Variants in ANK2 observed in about 807,000 individuals in gnomAD.
ANK2 encodes ankyrin 2, also known as ankyrin-2.
A neutral mutation model predicts 360.5 loss-of-function variants in ANK2; 83 were observed. The ratio of observed to expected loss-of-function variants is 0.23; its 90% CI spans 0.19 to 0.28. The LOEUF (loss-of-function observed/expected upper bound fraction) is 0.28, where lower values mean the gene tolerates loss of function less well. Among genes scored for constraint, ANK2 ranks in the 10% least tolerant of loss-of-function variants. ANK2 has a pLI of 1.00. For missense variants in ANK2, 4,201 were observed against 4,795.7 expected (o/e 0.88, Z 3.66); for synonymous variants, 1,740 against 1,759.5 (o/e 0.99, Z 0.28).
chr4:112,998,931 A>G (rs536731368), intron 2 of ANK2, among the ~76,000 whole-genome samples: 39 of 152,312 alleles, frequency 2.6e-4, no homozygotes, highest in Non-Finnish European at 5.1e-4. Context: ...TTCATTGCAA[A>G]TCAAAATGGG....
chr4:113,195,914 C>T (rs2098739613), intron 2 of ANK2, among the ~76,000 whole-genome samples: 1 of 152,140 alleles, frequency 6.6e-6, no homozygotes, highest in African/African-American at 2.4e-5. Context: ...TAACTGTTGT[C>T]TGTAAATCCC....
intron 1 of ANK2, among the ~76,000 whole-genome samples, chr4:112,848,934 C>G (rs1171529357): frequency 6.6e-6 from 1 of 152,202 alleles, no homozygotes; most frequent in Non-Finnish European, 1.5e-5. Flanking sequence ...AAGAAGCAGT[C>G]TTCTGATTCT....
At chr4:113,240,751 A>T (rs2039334744) in intron 8 of ANK2, among the ~76,000 whole-genome samples, 168 bp downstream of exon 8, 1 of 152,234 alleles carries the variant, frequency 6.6e-6, no homozygotes, top group Non-Finnish European at 1.5e-5. Context: ...ACAAGAAGTC[A>T]TCTTGGCTTA....
chr4:112,745,079 A>G, the ANK2 span, among the ~76,000 whole-genome samples: 1 of 152,198 alleles, frequency 6.6e-6, no homozygotes, highest in Non-Finnish European at 1.5e-5. Context: ...TTCATTTATC[A>G]TATGTTTTCT....
At chr4:113,135,458 C>G (rs1404144230) in intron 1 of ANK2, among the ~76,000 whole-genome samples, 5 of 151,370 alleles carry the variant, frequency 3.3e-5, no homozygotes, top group South Asian at 2.1e-4. Flanking sequence ...ATGAAAGGAG[C>G]TTTTCACTAC....
chr4:112,947,460 T>A (rs1269661052), intron 2 of ANK2, among the ~76,000 whole-genome samples: 1 of 152,144 alleles, frequency 6.6e-6, no homozygotes, highest in Non-Finnish European at 1.5e-5. Context: ...TTTGCACAAA[T>A]GAAACTTACA....
chr4:112,831,276 G>A (rs374201303), intron 1 of ANK2, among the ~76,000 whole-genome samples: 17 of 152,216 alleles, frequency 1.1e-4, no homozygotes, highest in East Asian at 7.7e-4. Flanking sequence ...CTCCTGAGTC[G>A]GGTGGGGACA....
chr4:113,305,156 C>T (rs1316342349), intron 23 of ANK2, among the ~76,000 whole-genome samples: 2 of 150,786 alleles, frequency 1.3e-5, no homozygotes, highest in East Asian at 1.9e-4. Context: ...CCGGCTAAAA[C>T]GGTGAAACCC....
At chr4:113,056,082 T>G (rs1454080425) in intron 1 of ANK2, among the ~76,000 whole-genome samples, 1 of 152,188 alleles carries the variant, frequency 6.6e-6, no homozygotes, top group Non-Finnish European at 1.5e-5. Flanking sequence ...TTGTTGTAGA[T>G]GTATCCATCA....
chr4:113,365,028 T>A lies in ANK2; in HGVS notation c.10889-11T>A, dbSNP rs762064178. Reference sequence around the variant, plus strand: ...TCAGACATAATAAATGCTGTTTCTCTAATGTGTCAGATACCAACCTCGTTG... The same window carrying A: ...TCAGACATAATAAATGCTGTTTCTCAAATGTGTCAGATACCAACCTCGTTG... On this transcript the variant is annotated splice_polypyrimidine_tract_variant and intron_variant, in intron 40 of 45. Coordinates refer to ENST00000357077, the MANE Select transcript of ANK2 (RefSeq NM_001148.6). 1.2e-6 allele frequency: 2 copies of A among 1,613,728 alleles called. No individual in the cohort carries two copies. The highest frequency in any genetic ancestry group is 1.1e-5 in the South Asian group (1 of 91,084).
intron 4 of ANK2, among the ~76,000 whole-genome samples, chr4:113,211,788 G>T (rs2099025301): frequency 6.6e-6 from 1 of 152,108 alleles, no homozygotes; most frequent in African/African-American, 2.4e-5. Flanking sequence ...CCATATGTTT[G>T]TAACATGAAT....
At chr4:112,856,557 A>G (rs1333841940) in intron 1 of ANK2, among the ~76,000 whole-genome samples, 1 of 152,114 alleles carries the variant, frequency 6.6e-6, no homozygotes, top group Non-Finnish European at 1.5e-5. Context: ...GTGAAACCCC[A>G]TCTCTACTAA....
At chr4:112,940,385 C>T (rs2094119294) in intron 2 of ANK2, among the ~76,000 whole-genome samples, 1 of 152,094 alleles carries the variant, frequency 6.6e-6, no homozygotes, top group Non-Finnish European at 1.5e-5. Context: ...TAACTTAGAA[C>T]ATTTGTGGGA....
At chr4:113,137,568 TAAAG>T (rs1310782139) in intron 1 of ANK2, among the ~76,000 whole-genome samples, 2 of 152,198 alleles carry the variant, frequency 1.3e-5, no homozygotes, top group African/African-American at 2.4e-5. Context: ...TAATTGCTCT[TAAAG>T]AAGAAAACCC....
chr4:113,349,085 C>G (rs1336880522), intron 36 of ANK2, among the ~76,000 whole-genome samples: 1 of 152,074 alleles, frequency 6.6e-6, no homozygotes, highest in Admixed American at 6.6e-5. Flanking sequence ...ATGTCGATCT[C>G]TCACAAACAC....
chr4:113,263,085 G>T (rs978563227), intron 13 of ANK2, among the ~76,000 whole-genome samples: 2 of 151,174 alleles, frequency 1.3e-5, no homozygotes, highest in Admixed American at 1.3e-4. Flanking sequence ...CTACTTGGGA[G>T]GCTGAGGCAG....
At chr4:113,077,347 TA>T (rs1280499058) in intron 1 of ANK2, among the ~76,000 whole-genome samples, 2 of 152,174 alleles carry the variant, frequency 1.3e-5, no homozygotes, top group Non-Finnish European at 2.9e-5. Flanking sequence ...TCTTGAATAT[TA>T]AATTGTAGGT....
intron 1 of ANK2, among the ~76,000 whole-genome samples, chr4:112,848,396 A>C (rs2063832420): frequency 6.6e-6 from 1 of 152,216 alleles, no homozygotes; most frequent in Non-Finnish European, 1.5e-5. Context: ...TCCTGACCTC[A>C]GGTGATCCAC....
intron 3 of ANK2, among the ~76,000 whole-genome samples, chr4:113,197,118 A>T (rs2098758909): frequency 6.6e-6 from 1 of 152,220 alleles, no homozygotes; most frequent in Non-Finnish European, 1.5e-5. Flanking sequence ...TCTCTATGGA[A>T]AAGAACAAGT....
Sources: allele counts gnomAD v4.1 joint callset (sites outside exome capture counted in the v4.1 genomes callset), GRCh38; gene constraint gnomAD v4.1.1; transcripts MANE v1.5; gene names NCBI Gene and HGNC (gene_info 2026-07-23, HGNC 2026-07-21).